Variants in ASXL2 observed in about 807,000 individuals in gnomAD.
ASXL2 encodes the protein putative Polycomb group protein ASXL2.
A neutral mutation model predicts 122.0 loss-of-function variants in ASXL2; 23 were observed. That is an observed-to-expected ratio of 0.19 (90% CI 0.14 to 0.27). ASXL2 has a LOEUF of 0.27. ASXL2 is among the 10% of genes least tolerant of loss of function. The pLI, the probability that ASXL2 is intolerant of heterozygous loss-of-function variation, is 1.00. For synonymous variants in ASXL2, 650 were observed against 637.0 expected, an observed-to-expected ratio of 1.02 and a Z score of -0.31; for missense variants, 1,518 against 1,713.8, an observed-to-expected ratio of 0.89 and a Z score of 2.02.
chr2:25,749,594 C>A (rs2088003914), intron 12 of ASXL2, 102 bp downstream of exon 12: 3 of 882,730 alleles, frequency 3.4e-6, no homozygotes, highest in Non-Finnish European at 4.9e-6. Context: ...CCAACTGCTT[C>A]TGCATTAAGA....
At chr2:25,845,027 T>C (rs2089633529) in intron 2 of ASXL2, among the ~76,000 whole-genome samples, 2 of 152,240 alleles carry the variant, frequency 1.3e-5, no homozygotes, top group Admixed American at 1.3e-4. Context: ...TATTTGAACA[T>C]GTTAAGACTA....
At chr2:25,762,178 T>C (rs1166563106) in intron 8 of ASXL2, among the ~76,000 whole-genome samples, 1 of 151,818 alleles carries the variant, frequency 6.6e-6, no homozygotes, top group Non-Finnish European at 1.5e-5. Flanking sequence ...AAAAAATATA[T>C]AGAAGTATGA....
intron 9 of ASXL2, among the ~76,000 whole-genome samples, chr2:25,757,337 C>T (rs1342905213): frequency 6.6e-6 from 1 of 151,778 alleles, no homozygotes; most frequent in Non-Finnish European, 1.5e-5. Flanking sequence ...AGCCAAGTAA[C>T]CTCCTATTAA....
At chr2:25,804,625 T>C (rs1218213230) in intron 4 of ASXL2, among the ~76,000 whole-genome samples, 1 of 152,034 alleles carries the variant, frequency 6.6e-6, no homozygotes, top group East Asian at 1.9e-4. Flanking sequence ...CCAGCCTGGG[T>C]TTCCTTAGAA....
chr2:25,850,022 C>T (rs964670926), intron 1 of ASXL2, among the ~76,000 whole-genome samples: 30 of 152,020 alleles, frequency 2.0e-4, no homozygotes, highest in African/African-American at 7.0e-4. Flanking sequence ...AATGAACCAC[C>T]ACATACCCAT....
chr2:25,808,201 T>C (rs556441636), intron 3 of ASXL2, among the ~76,000 whole-genome samples: 4 of 152,294 alleles, frequency 2.6e-5, no homozygotes, highest in African/African-American at 7.2e-5. Flanking sequence ...TTCACAGTCA[T>C]TGTGTGACCA....
rs2087808684 is a variant in ASXL2 at position 25,740,391 on chromosome 2, T to C, written c.*1638A>G. On this transcript the variant is annotated 3_prime_UTR_variant, in exon 13 of 13. Transcript: ENST00000435504. ...CAAGTTTAAACTGTTCTGCATTTTG[T>C]AAATATCACATCCTGAATATGAAGG... 1 of 225,674 alleles carries C rather than the reference T, an allele frequency of 4.4e-6. No homozygotes were observed. The highest frequency in any genetic ancestry group is 8.8e-6 in the Non-Finnish European group (1 of 113,438). The allele number at this position is 225,674 out of a possible 1,614,324, so 14.0% of individuals were successfully genotyped here.
At chr2:25,819,057 T>A (rs936593101) in intron 3 of ASXL2, among the ~76,000 whole-genome samples, 1 of 152,152 alleles carries the variant, frequency 6.6e-6, no homozygotes. Context: ...TCTAGCCAAA[T>A]GCCAGCTAAG....
At position 25,743,024 on chromosome 2, in the gene ASXL2, T is replaced by C. The variant is rs756938769; in HGVS notation, c.3313A>G (p.Arg1105Gly). 4.3e-6 allele frequency: 7 copies of C among 1,613,856 alleles called. No homozygotes were observed. In the South Asian group the frequency reaches 7.7e-5, roughly 18 times the overall value. ...CTGCCAGCAAAACCCAGCATGAACCTCTGGCTTGTGGAGATGTCTTCCAGC... is the reference window on the plus strand; with the variant it reads ...CTGCCAGCAAAACCCAGCATGAACCCCTGGCTTGTGGAGATGTCTTCCAGC... ...FQLEDISTSQ[R>G]FMLGFAGRRT... Residue 1105 changes from arginine (R) to glycine (G), a missense_variant, in exon 13 of 13, where the codon AGG becomes GGG. Around this residue, in one of 8 missense-constraint regions of ASXL2, gnomAD observed 831 missense variants for 833.1 expected, o/e 1.00. Transcript: ENST00000435504.
chr2:25,759,549 G>A lies in ASXL2; in HGVS notation c.872C>T (p.Thr291Ile), dbSNP rs781774604. Reference sequence around the variant, plus strand: ...GCAATCTCCAGGAAGGACTGAAAATGTGTGCTTGTTGATCAGTGCTCGCAG... The same window carrying A: ...GCAATCTCCAGGAAGGACTGAAAATATGTGCTTGTTGATCAGTGCTCGCAG... ...TNLRALINKH[T>I]FSVLPGDCQQ... The change falls in exon 9 of 13, where the codon ACA (threonine) becomes ATA (isoleucine). Residue 291 changes from threonine (T) to isoleucine (I), a missense_variant. By Grantham distance (89) the Thr-to-Ile change is moderately conservative. Around this residue, in one of 8 missense-constraint regions of ASXL2, gnomAD observed 92 missense variants for 156.6 expected, o/e 0.59. Transcript: ENST00000435504. 1.9e-6 allele frequency: 3 copies of A among 1,614,016 alleles called. No individual in the cohort carries two copies. Among genetic ancestry groups the A allele is most frequent in the South Asian group, 1.1e-5 (1 of 91,078 alleles).
intron 9 of ASXL2, 67 bp from the exon 10 acceptor site, chr2:25,756,181 T>C: frequency 2.3e-6 from 2 of 877,216 alleles, no homozygotes; most frequent in East Asian, 2.8e-5. Flanking sequence ...GTATTTGACC[T>C]TCCTTTCATT....
In ASXL2 at chr2:25,737,091, T is replaced by C. The variant is rs1279204286; in HGVS notation, c.*4938A>G. 1.3e-5 allele frequency: 2 copies of C among 152,012 alleles called. No homozygotes were observed. Among genetic ancestry groups the C allele is most frequent in the Admixed American group, 6.6e-5 (1 of 15,256 alleles). The allele number at this position is 152,012 out of a possible 1,614,324, so 9.4% of individuals were successfully genotyped here. A position where few individuals can be genotyped will look rare whatever the true frequency, so the allele number is the denominator to read the frequency against. On this transcript the variant is annotated 3_prime_UTR_variant, in exon 13 of 13. Transcript: ENST00000435504. ...AAAATTCAAGTGTCAAATGCTGAAATAGAACCTAATCAAGGCACAGGTGTT... is the reference window on the plus strand; with the variant it reads ...AAAATTCAAGTGTCAAATGCTGAAACAGAACCTAATCAAGGCACAGGTGTT...
At chr2:25,782,442 A>AGT (rs2088660621) in intron 5 of ASXL2, among the ~76,000 whole-genome samples, 1 of 152,116 alleles carries the variant, frequency 6.6e-6, no homozygotes, top group Non-Finnish European at 1.5e-5. Flanking sequence ...ACTACTCAGG[A>AGT]AGCTGAGGCA....
At chr2:25,769,796 T>A (rs1276066607) in intron 6 of ASXL2, among the ~76,000 whole-genome samples, 2 of 152,232 alleles carry the variant, frequency 1.3e-5, no homozygotes, top group Non-Finnish European at 2.9e-5. Context: ...TGGCTACTTC[T>A]GGTTTCCTAT....
chr2:25,828,380 C>T (rs1362271368), intron 3 of ASXL2, among the ~76,000 whole-genome samples: 2 of 151,826 alleles, frequency 1.3e-5, no homozygotes, highest in African/African-American at 2.4e-5. Context: ...GTGGCGCATG[C>T]CTGTAATCCC....
chr2:25,837,096 GCGT>G (rs2089521109), intron 2 of ASXL2, among the ~76,000 whole-genome samples: 1 of 104,422 alleles, frequency 9.6e-6, no homozygotes, highest in Admixed American at 1.1e-4. Flanking sequence ...GGGGGGGGGG[GCGT>G]GGGAAGCACT....
At chr2:25,805,379 G>T (rs1446311964) in intron 4 of ASXL2, among the ~76,000 whole-genome samples, 1 of 150,390 alleles carries the variant, frequency 6.6e-6, no homozygotes, top group Non-Finnish European at 1.5e-5. Flanking sequence ...TCATAAAAAT[G>T]GAATATTTAT....
intron 11 of ASXL2, among the ~76,000 whole-genome samples, chr2:25,753,298 C>T (rs1386794961): frequency 1.3e-5 from 2 of 151,366 alleles, no homozygotes; most frequent in East Asian, 3.9e-4. Context: ...ATTTCACCTA[C>T]AATGACAGTT....
intron 5 of ASXL2, among the ~76,000 whole-genome samples, chr2:25,782,919 G>A (rs1390127748): frequency 1.3e-5 from 2 of 152,138 alleles, no homozygotes. Flanking sequence ...CTTGAGGTCA[G>A]GAGCTTGAGA....
Sources: gnomAD v4.1 joint callset for allele counts (sites outside exome capture counted in the v4.1 genomes callset) on GRCh38, gnomAD v4.1.1 for gene constraint, gnomAD v4.1.1 regional missense constraint, MANE v1.5 for transcripts, NCBI Gene and HGNC (gene_info 2026-07-23, HGNC 2026-07-21) for gene names.